Variants in GRIA2 observed in about 807,000 individuals in gnomAD.
The protein encoded by GRIA2 is glutamate receptor 2.
In GRIA2, 14 loss-of-function variants were observed where a neutral mutation model predicts 97.3. The ratio of observed to expected loss-of-function variants is 0.14; its 90% CI spans 0.10 to 0.23. GRIA2 has a LOEUF of 0.23. Among genes scored for constraint, GRIA2 ranks in the 10% least tolerant of loss-of-function variants. GRIA2 has a pLI of 1.00. For missense variants in GRIA2, 558 were observed against 1,069.8 expected (o/e 0.52, Z 6.67); for synonymous variants, 412 against 387.8 (o/e 1.06, Z -0.73).
chr4:157,313,625 T>G (rs1014529280), intron 4 of GRIA2, among the ~76,000 whole-genome samples: 1 of 152,086 alleles, frequency 6.6e-6, no homozygotes, highest in Admixed American at 6.6e-5. Flanking sequence ...GGTAAGTGAC[T>G]AGGGATGATA....
intron 2 of GRIA2, among the ~76,000 whole-genome samples, chr4:157,259,124 A>T (rs1731413678): frequency 1.3e-5 from 2 of 152,110 alleles, no homozygotes; most frequent in Admixed American, 1.3e-4. Context: ...CCTACTAAGG[A>T]GGCTGAAATG....
Position 157,365,476 on chromosome 4 carries a change from C to T in GRIA2, c.*2045C>T, listed in dbSNP as rs923268430. 3 of 151,838 alleles carry T rather than the reference C, an allele frequency of 2.0e-5. No individual in the cohort carries two copies. Among genetic ancestry groups the T allele is most frequent in the Admixed American group, 6.6e-5 (1 of 15,150 alleles). 9.4% of individuals were successfully genotyped at this position (151,838 alleles called of 1,614,324 possible). A position where few individuals can be genotyped will look rare whatever the true frequency, so the allele number is the denominator to read the frequency against. On this transcript the variant is annotated 3_prime_UTR_variant, in exon 16 of 16. Transcript: ENST00000264426. Reference sequence around the variant, plus strand: ...TACTCTTCTAAAAATTGTAGCTTATCGATTTTTCTCTGTCAAGCTTGAACT... The same window carrying T: ...TACTCTTCTAAAAATTGTAGCTTATTGATTTTTCTCTGTCAAGCTTGAACT...
At chr4:157,343,864 G>A (rs1269552685) in intron 12 of GRIA2, among the ~76,000 whole-genome samples, 2 of 152,014 alleles carry the variant, frequency 1.3e-5, no homozygotes, top group African/African-American at 4.8e-5. Context: ...TAAAAATGTT[G>A]CTAGTTCATG....
intron 11 of GRIA2, among the ~76,000 whole-genome samples, chr4:157,340,263 G>C (rs1485042432): frequency 6.6e-6 from 1 of 151,834 alleles, no homozygotes; most frequent in Non-Finnish European, 1.5e-5. Flanking sequence ...CTAATTGTTA[G>C]ACATAGTAGA....
At chr4:157,263,295 G>A (rs1056612576) in intron 2 of GRIA2, among the ~76,000 whole-genome samples, 15 of 151,870 alleles carry the variant, frequency 9.9e-5, no homozygotes, top group Non-Finnish European at 2.1e-4. Flanking sequence ...AGATTACTCT[G>A]AGATGACTGT....
chr4:157,359,775 G>A, intron 12 of GRIA2, 121 bp from the exon 13 acceptor site: 2 of 806,204 alleles, frequency 2.5e-6, no homozygotes, highest in Non-Finnish European at 3.9e-6. Flanking sequence ...GTTGAAAGAT[G>A]AGATTTGTTC....
chr4:157,339,268 G>A (rs1735443296), intron 11 of GRIA2, among the ~76,000 whole-genome samples: 1 of 151,836 alleles, frequency 6.6e-6, no homozygotes, highest in African/African-American at 2.4e-5. Flanking sequence ...TGATTTAGTA[G>A]GGATTAAAAA....
chr4:157,224,899 A>G (rs892509573), intron 2 of GRIA2, among the ~76,000 whole-genome samples: 1 of 152,114 alleles, frequency 6.6e-6, no homozygotes, highest in African/African-American at 2.4e-5. Flanking sequence ...TGACATTATT[A>G]GATGATAGGT....
At chr4:157,362,440 T>C (rs1736671569) in intron 14 of GRIA2, 1 of 464,568 alleles carries the variant, frequency 2.2e-6, no homozygotes, top group Non-Finnish European at 4.3e-6. Flanking sequence ...TACCAGATTA[T>C]TTATAGGATG....
intron 2 of GRIA2, among the ~76,000 whole-genome samples, chr4:157,296,314 T>C (rs1406734172): frequency 1.3e-5 from 2 of 152,150 alleles, no homozygotes; most frequent in Non-Finnish European, 2.9e-5. Context: ...TTTGACATGA[T>C]TTCAGAAATA....
chr4:157,334,618 T>A (rs943498867), intron 9 of GRIA2: 14 of 152,548 alleles, frequency 9.2e-5, no homozygotes, highest in African/African-American at 2.9e-4. Flanking sequence ...GCATATTGAA[T>A]GAATAAGGAA....
chr4:157,348,428 G>A (rs909072461), intron 12 of GRIA2, among the ~76,000 whole-genome samples: 2 of 152,064 alleles, frequency 1.3e-5, no homozygotes, highest in South Asian at 2.1e-4. Context: ...TTGTAGAAAC[G>A]AGATCTCCCT....
chr4:157,362,873 A>G lies in GRIA2; in HGVS notation c.2481A>G (p.Ala827=), dbSNP rs751514541. Residue 827 remains alanine (A), a synonymous_variant, in exon 15 of 16, where the codon GCA becomes GCG. Coordinates refer to ENST00000264426, the MANE Select transcript of GRIA2 (RefSeq NM_001083619.3). The part of the protein sequence containing the change: ...FYILVGGLGL[A]MLVALIEFCY... ...TCCTTGTCGGGGGCCTTGGTTTGGCAATGCTGGTGGCTTTGATTGAGTTCT... is the reference window on the plus strand; with the variant it reads ...TCCTTGTCGGGGGCCTTGGTTTGGCGATGCTGGTGGCTTTGATTGAGTTCT... The G allele has an allele frequency of 5.0e-6, 8 of 1,613,516 alleles. No individual in the cohort carries two copies. In the South Asian group the frequency reaches 8.8e-5, roughly 18 times the overall value.
chr4:157,253,799 C>G (rs1263793665), intron 2 of GRIA2, among the ~76,000 whole-genome samples: 2 of 152,066 alleles, frequency 1.3e-5, no homozygotes, highest in Non-Finnish European at 2.9e-5. Flanking sequence ...AGTGCTGAGA[C>G]AAGCTCATTA....
At chr4:157,224,302 C>T (rs988348735) in intron 2 of GRIA2, among the ~76,000 whole-genome samples, 9 of 152,202 alleles carry the variant, frequency 5.9e-5, no homozygotes, top group Non-Finnish European at 5.9e-5. Flanking sequence ...CATGATAATT[C>T]AAAAGCATGA....
rs555147561 is a variant in GRIA2, at chr4:157,311,724, A to G, written c.470-955A>G. ...AGATGATTTGCTGAGTTCTGGATTC[A>G]TTCTGGAGTCTCGATTTTGCGTTGT... On this transcript the variant is annotated intron_variant, in intron 3 of 15. Coordinates refer to ENST00000264426, the MANE Select transcript of GRIA2 (RefSeq NM_001083619.3). 1.3e-3 allele frequency among the ~76,000 whole-genome samples: 191 copies of G among 152,112 alleles called. 1 individual carries two copies. The highest frequency in any genetic ancestry group is 4.1e-3 in the African/African-American group (169 of 41,566).
chr4:157,275,982 C>A (rs1014684970), intron 2 of GRIA2, among the ~76,000 whole-genome samples: 8 of 152,212 alleles, frequency 5.3e-5, no homozygotes, highest in African/African-American at 1.7e-4. Context: ...TACATTGATT[C>A]TTCCAACCCA....
At position 157,221,813 on chromosome 4, in the gene GRIA2, T is replaced by C; in HGVS notation, c.229+6T>C. On this transcript the variant is annotated splice_donor_region_variant and intron_variant, in intron 2 of 15. Coordinates refer to ENST00000264426, the MANE Select transcript of GRIA2 (RefSeq NM_001083619.3). ...CTTCGCAGTCACTAATGCTTGTAAGTAATGAATATTCATGCCTTTCGGGTG... is the reference window on the plus strand; with the variant it reads ...CTTCGCAGTCACTAATGCTTGTAAGCAATGAATATTCATGCCTTTCGGGTG... 6.2e-7 allele frequency: 1 copy of C among 1,613,428 alleles called. No individual in the cohort carries two copies. The highest frequency in any genetic ancestry group is 8.5e-7 in the Non-Finnish European group (1 of 1,179,434).
rs368699030 is a variant in GRIA2 at position 157,333,025 on chromosome 4, G to A, written c.1050+39G>A. 4.7e-4 allele frequency: 681 copies of A among 1,463,906 alleles called. 1 individual carries two copies. In the African/African-American group the frequency reaches 6.2e-3, roughly 13 times the overall value. 90.7% of individuals were successfully genotyped at this position (1,463,906 alleles called of 1,614,324 possible). A position where few individuals can be genotyped will look rare whatever the true frequency, so the allele number is the denominator to read the frequency against. ...AATAATCGTTAACGTGACTTAATAT[G>A]GCCATTAATGTTTTCTTCCTGCTAA... is the stretch of plus-strand genomic sequence containing the variant. On this transcript the variant is annotated intron_variant, in intron 7 of 15. Coordinates refer to ENST00000264426, the MANE Select transcript of GRIA2 (RefSeq NM_001083619.3).
Sources: allele counts gnomAD v4.1 joint callset (sites outside exome capture counted in the v4.1 genomes callset), GRCh38; gene constraint gnomAD v4.1.1; transcripts MANE v1.5; gene names NCBI Gene and HGNC (gene_info 2026-07-23, HGNC 2026-07-21).